The following DAPP1 variants were observed in gnomAD, a reference collection of about 807,000 sequenced individuals.
DAPP1 encodes the protein dual adapter for phosphotyrosine and 3-phosphotyrosine and 3-phosphoinositide.
DAPP1 carries 20 observed loss-of-function variants against 41.5 expected under a neutral mutation model. The observed-to-expected ratio is 0.48, with a 90% confidence interval of 0.34 to 0.70. DAPP1 has a LOEUF of 0.70. DAPP1 is among the 30% of genes least tolerant of loss of function. The pLI is 0.01. For synonymous variants in DAPP1, 113 were observed against 116.2 expected (o/e 0.97, Z 0.18); for missense variants, 233 against 333.4 (o/e 0.70, Z 2.35).
chr4:99,843,085 G>A lies in DAPP1; in HGVS notation c.358+2663G>A, dbSNP rs565748666. 2.4e-3 allele frequency among the ~76,000 whole-genome samples: 361 copies of A among 152,268 alleles called. 3 individuals are homozygous for A. The highest frequency in any genetic ancestry group is 8.5e-3 in the African/African-American group (353 of 41,542). On this transcript the variant is annotated intron_variant, in intron 3 of 8. Transcript: ENST00000512369. ...ACCAGAATGACAAGGACTAGAATTG[G>A]ATATTTCAGGCCACTGCTCTCAGCC...
At position 99,868,227 on chromosome 4, in the gene DAPP1, G is replaced by GA; in HGVS notation, c.*44dup. 2 of 1,542,356 alleles carry GA rather than the reference G, an allele frequency of 1.3e-6. No homozygotes were observed. Among genetic ancestry groups the GA allele is most frequent in the South Asian group, 2.2e-5 (2 of 89,570 alleles). ...AATGCTCTGGCCCAGGAGCAAGGTG[G>GA]AATGTTTCCCTGACGCTGTGATCTG... On this transcript the variant is annotated 3_prime_UTR_variant, in exon 9 of 9. Coordinates refer to ENST00000512369, the MANE Select transcript of DAPP1 (RefSeq NM_014395.3).
chr4:99,834,831 C>T (rs754777327), intron 1 of DAPP1, among the ~76,000 whole-genome samples: 59 of 152,064 alleles, frequency 3.9e-4, no homozygotes, highest in Non-Finnish European at 6.9e-4. Context: ...ATCAAGGTGT[C>T]AACAGGATTG....
chr4:99,869,057 C>A lies in DAPP1; in HGVS notation c.*872C>A, dbSNP rs192990862. 61 of 152,236 alleles carry A rather than the reference C, an allele frequency of 4.0e-4. No individual in the cohort carries two copies. The East Asian group carries it at 7.9e-3, about 20-fold the overall frequency. The allele number at this position is 152,236 out of a possible 1,614,324, so 9.4% of individuals were successfully genotyped here. A position where few individuals can be genotyped will look rare whatever the true frequency, so the allele number is the denominator to read the frequency against. On this transcript the variant is annotated 3_prime_UTR_variant, in exon 9 of 9. Coordinates refer to ENST00000512369, the MANE Select transcript of DAPP1 (RefSeq NM_014395.3). ...TTTATCCAACATTTCTCCAAATGGA[C>A]TGAAAGAAACTTTTCAAGGACAGTG...
At chr4:99,826,303 C>T (rs1346431358) in intron 1 of DAPP1, among the ~76,000 whole-genome samples, 1 of 152,132 alleles carries the variant, frequency 6.6e-6, no homozygotes, top group Non-Finnish European at 1.5e-5. Context: ...AAAGTGAGAA[C>T]AACTTTGAAA....
At chr4:99,831,476 A>T (rs185402456) in intron 1 of DAPP1, among the ~76,000 whole-genome samples, 161 of 152,342 alleles carry the variant, frequency 1.1e-3, no homozygotes, top group Non-Finnish European at 1.6e-3. Context: ...AACTTTTTAC[A>T]TAATCTCATC....
chr4:99,838,625 A>G (rs918613052), intron 2 of DAPP1, among the ~76,000 whole-genome samples: 10 of 152,164 alleles, frequency 6.6e-5, no homozygotes, highest in Non-Finnish European at 1.5e-5. Flanking sequence ...CTCTAATGCC[A>G]TCACTGATCT....
intron 1 of DAPP1, among the ~76,000 whole-genome samples, chr4:99,820,731 C>T (rs1047915843): frequency 2.0e-5 from 3 of 152,156 alleles, no homozygotes; most frequent in African/African-American, 7.2e-5. Context: ...GCCTTACAGT[C>T]TCTACCTCAA....
chr4:99,833,275 G>A (rs1723184035), intron 1 of DAPP1, among the ~76,000 whole-genome samples: 1 of 152,210 alleles, frequency 6.6e-6, no homozygotes, highest in African/African-American at 2.4e-5. Context: ...GAATGGAGCT[G>A]CTTTGGGTAA....
chr4:99,844,330 C>G (rs1401883661), intron 3 of DAPP1: 1 of 152,188 alleles, frequency 6.6e-6, no homozygotes, highest in Non-Finnish European at 1.5e-5. Flanking sequence ...TGGAGTTTTT[C>G]TGTCTCAATA....
intron 2 of DAPP1, 134 bp downstream of exon 2, chr4:99,835,879 T>A: frequency 8.5e-7 from 1 of 1,178,042 alleles, no homozygotes; most frequent in Non-Finnish European, 1.2e-6. Context: ...TTCCAAACTC[T>A]AAATGATGAG....
intron 1 of DAPP1, among the ~76,000 whole-genome samples, chr4:99,828,164 A>G (rs1034733594): frequency 3.3e-5 from 5 of 152,224 alleles, no homozygotes; most frequent in African/African-American, 1.2e-4. Flanking sequence ...TGCATTTCTG[A>G]CAAGATCCCA....
chr4:99,853,465 T>A, intron 4 of DAPP1, 117 bp downstream of exon 4: 1 of 1,374,626 alleles, frequency 7.3e-7, no homozygotes, highest in Non-Finnish European at 9.8e-7. Flanking sequence ...AATATAAAAC[T>A]TGGAAAGGAA....
rs142005334 is a variant in DAPP1 at position 99,866,604 on chromosome 4, C to T, written c.774+483C>T. On this transcript the variant is annotated intron_variant, in intron 8 of 8. Coordinates refer to ENST00000512369, the MANE Select transcript of DAPP1 (RefSeq NM_014395.3). ...TTTTGTCTGCTCTCTGTATATCTCC[C>T]GAGGAGAAGACTGAGTGAGTACTTA... 7.8e-4 allele frequency: 598 copies of T among 766,046 alleles called. 3 individuals are homozygous for T. In the African/African-American group the frequency reaches 8.8e-3, roughly 11 times the overall value. 47.5% of individuals were successfully genotyped at this position (766,046 alleles called of 1,614,324 possible).
At chr4:99,863,615 T>C (rs566479420) in intron 6 of DAPP1, among the ~76,000 whole-genome samples, 155 bp from the exon 7 acceptor site, 1 of 152,164 alleles carries the variant, frequency 6.6e-6, no homozygotes, top group East Asian at 1.9e-4. Flanking sequence ...AGGACTTCCC[T>C]TGGTAGGGCT....
chr4:99,852,298 A>G (rs1180720055), intron 3 of DAPP1, among the ~76,000 whole-genome samples: 3 of 152,224 alleles, frequency 2.0e-5, no homozygotes, highest in Non-Finnish European at 4.4e-5. Context: ...GGCTTGCTAT[A>G]GAAAAGACCC....
In DAPP1 at chr4:99,821,564, T is replaced by C. The variant is rs572183137; in HGVS notation, c.101+4550T>C. ...ATTGCTGTGAGGTGGGTATTATTAC[T>C]AATGTTGTCCCCATTTATAGATGAG... On this transcript the variant is annotated intron_variant, in intron 1 of 8. Coordinates refer to ENST00000512369, the MANE Select transcript of DAPP1 (RefSeq NM_014395.3). Among the ~76,000 whole-genome samples the C allele has an allele frequency of 3.2e-4, 48 of 152,264 alleles. 1 individual carries two copies. The highest frequency in any genetic ancestry group is 5.9e-5 in the Non-Finnish European group (4 of 68,050).
chr4:99,850,571 TAA>T (rs951961873), intron 3 of DAPP1, among the ~76,000 whole-genome samples: 4 of 152,212 alleles, frequency 2.6e-5, no homozygotes, highest in East Asian at 1.9e-4. Flanking sequence ...AGATAAAGTA[TAA>T]GAGTTCAAAA....
At chr4:99,855,386 T>A (rs1328547475) in intron 4 of DAPP1, among the ~76,000 whole-genome samples, 1 of 152,202 alleles carries the variant, frequency 6.6e-6, no homozygotes, top group Non-Finnish European at 1.5e-5. Context: ...AATACCTAAT[T>A]TGTGAGATTG....
At chr4:99,849,460 T>C (rs1039197643) in intron 3 of DAPP1, among the ~76,000 whole-genome samples, 28 of 152,264 alleles carry the variant, frequency 1.8e-4, no homozygotes, top group African/African-American at 6.5e-4. Context: ...TAAATTTGAC[T>C]GATAGGTGCG....
Sources: gnomAD v4.1 joint callset for allele counts (sites outside exome capture counted in the v4.1 genomes callset) on GRCh38, gnomAD v4.1.1 for gene constraint, MANE v1.5 for transcripts, NCBI Gene and HGNC (gene_info 2026-07-23, HGNC 2026-07-21) for gene names.